MDGA2: variants seen among roughly 807,000 people sequenced by gnomAD.
The protein encoded by MDGA2 is MAM domain-containing glycosylphosphatidylinositol anchor protein 2.
Under a neutral mutation model 117.8 loss-of-function variants are expected in MDGA2, and 40 were observed. The observed-to-expected ratio is 0.34, with a 90% CI of 0.26 to 0.44. The LOEUF is 0.44. Ranked by LOEUF, MDGA2 falls within the 20% of genes least tolerant of loss-of-function variation. The pLI, the probability that MDGA2 is intolerant of heterozygous loss-of-function variation, is 1.00. For synonymous variants in MDGA2, 452 were observed against 439.0 expected, an observed-to-expected ratio of 1.03 and a Z score of -0.37; for missense variants, 1,123 against 1,250.6, an observed-to-expected ratio of 0.90 and a Z score of 1.54.
intron 1 of MDGA2, among the ~76,000 whole-genome samples, chr14:47,431,530 T>C (rs987585103): frequency 6.6e-6 from 1 of 151,992 alleles, no homozygotes; most frequent in Non-Finnish European, 1.5e-5. Context: ...ATTGTTATGA[T>C]GGAAAAAGCA....
chr14:47,288,370 A>T (rs1888761033), intron 2 of MDGA2, among the ~76,000 whole-genome samples: 1 of 152,170 alleles, frequency 6.6e-6, no homozygotes, highest in African/African-American at 2.4e-5. Flanking sequence ...CAAAATGGAG[A>T]GTTGTTCTGA....
rs1895797132 is a variant in MDGA2, at chr14:47,561,153, G to GGT, written c.280+113363_280+113364insAC. On this transcript the variant is annotated intron_variant, in intron 1 of 16. Transcript: ENST00000399232. ...TACCTCTATCTTTGTTTTTTTTTTT[G>GGT]TTTTGTTTTGTTTTTTTGTTTGTTT... Among the ~76,000 whole-genome samples the GGT allele has an allele frequency of 6.6e-3, 419 of 63,712 alleles. 32 individuals are homozygous for GGT. The highest frequency in any genetic ancestry group is 0.02 in the East Asian group (14 of 692). The allele number at this position is 63,712 out of a possible 152,430, so 41.8% of individuals were successfully genotyped here.
At chr14:47,617,744 A>G (rs1896973063) in intron 1 of MDGA2, among the ~76,000 whole-genome samples, 1 of 152,158 alleles carries the variant, frequency 6.6e-6, no homozygotes, top group African/African-American at 2.4e-5. Context: ...CATGCATATT[A>G]TTTATATATT....
At chr14:47,507,414 A>G (rs937809245) in intron 1 of MDGA2, among the ~76,000 whole-genome samples, 1 of 152,224 alleles carries the variant, frequency 6.6e-6, no homozygotes, top group Non-Finnish European at 1.5e-5. Context: ...ATCCATTTGC[A>G]TAAAAATAAA....
intron 14 of MDGA2, among the ~76,000 whole-genome samples, chr14:46,860,138 C>A (rs1881450697): frequency 6.6e-6 from 1 of 152,004 alleles, no homozygotes; most frequent in Non-Finnish European, 1.5e-5. Flanking sequence ...AAACTGCATT[C>A]TTTATATCAC....
At chr14:47,623,906 CAA>C (rs1210907736) in intron 1 of MDGA2, among the ~76,000 whole-genome samples, 1 of 152,152 alleles carries the variant, frequency 6.6e-6, no homozygotes, top group African/African-American at 2.4e-5. Context: ...TCACTTCAAA[CAA>C]ATTCTTTTGT....
At position 47,131,972 on chromosome 14, in the gene MDGA2, T is replaced by C. The variant is rs937310076; in HGVS notation, c.793-126A>G. 18 of 710,606 alleles carry C rather than the reference T, an allele frequency of 2.5e-5. No individual in the cohort carries two copies. In the African/African-American group the frequency reaches 2.7e-4, roughly 11 times the overall value. 44.0% of individuals were successfully genotyped at this position (710,606 alleles called of 1,614,324 possible). ...ATCAGAATATGACAGACTGTCTTTT[T>C]TTAAGGGAAATGTCCTATCTTTCAA... On this transcript the variant is annotated intron_variant, in intron 4 of 16. Coordinates refer to ENST00000399232, the MANE Select transcript of MDGA2 (RefSeq NM_001113498.3).
intron 1 of MDGA2, among the ~76,000 whole-genome samples, chr14:47,500,104 T>C (rs573011786): frequency 3.9e-5 from 6 of 152,308 alleles, no homozygotes; most frequent in Non-Finnish European, 5.9e-5. Context: ...AAAACATGTA[T>C]AATCCCCACA....
At chr14:47,614,914 T>A (rs542768336) in intron 1 of MDGA2, among the ~76,000 whole-genome samples, 1 of 152,208 alleles carries the variant, frequency 6.6e-6, no homozygotes, top group Non-Finnish European at 1.5e-5. Flanking sequence ...TATTAAGGAT[T>A]TGGCTCTGTA....
chr14:47,162,213 G>A (rs11850238), intron 3 of MDGA2, among the ~76,000 whole-genome samples: 12,465 of 151,748 alleles, frequency 0.082, 638 homozygotes, highest in Admixed American at 0.15. Flanking sequence ...CCAAAGTGCC[G>A]GGATTACAGG....
At position 46,957,358 on chromosome 14, in the gene MDGA2, A is replaced by T; in HGVS notation, c.2089+16T>A. ...ATAAAACAAAATGTATAAAAAGAAAATATCTGGAATCCTACCTGTAACAAG... is the reference window on the plus strand; with the variant it reads ...ATAAAACAAAATGTATAAAAAGAAATTATCTGGAATCCTACCTGTAACAAG... On this transcript the variant is annotated intron_variant, in intron 9 of 16. Transcript: ENST00000399232. 1 of 1,604,166 alleles carries T rather than the reference A, an allele frequency of 6.2e-7. No homozygotes were observed.
intron 2 of MDGA2, among the ~76,000 whole-genome samples, chr14:47,270,896 T>A (rs1281564510): frequency 6.6e-6 from 1 of 152,184 alleles, no homozygotes; most frequent in Non-Finnish European, 1.5e-5. Context: ...TTTACTCATG[T>A]GATTTCCTCT....
Position 47,488,194 on chromosome 14 carries a change from T to C in MDGA2, c.280+186323A>G, listed in dbSNP as rs146128879. On this transcript the variant is annotated intron_variant, in intron 1 of 16. Coordinates refer to ENST00000399232, the MANE Select transcript of MDGA2 (RefSeq NM_001113498.3). Reference sequence around the variant, plus strand: ...GTATTGTCAGATGTATGAGTCGACATATGAGATTTCAAACTAAGATGATGT... The same window carrying C: ...GTATTGTCAGATGTATGAGTCGACACATGAGATTTCAAACTAAGATGATGT... 4.3e-3 allele frequency among the ~76,000 whole-genome samples: 653 copies of C among 152,282 alleles called. 3 individuals are homozygous for C. The highest frequency in any genetic ancestry group is 6.0e-3 in the Non-Finnish European group (411 of 68,004).
chr14:47,118,622 T>C (rs17118081), intron 5 of MDGA2, among the ~76,000 whole-genome samples: 8,707 of 152,294 alleles, frequency 0.057, 798 homozygotes, highest in East Asian at 0.48. Flanking sequence ...GTTTTCAATA[T>C]AGAATTATTT....
At chr14:46,985,208 G>A (rs1471340733) in intron 8 of MDGA2, among the ~76,000 whole-genome samples, 1 of 151,912 alleles carries the variant, frequency 6.6e-6, no homozygotes, top group Non-Finnish European at 1.5e-5. Flanking sequence ...TTATCAATGA[G>A]TTCTTATAAA....
At position 47,169,938 on chromosome 14, in the gene MDGA2, C is replaced by T. The variant is rs898332523; in HGVS notation, c.596-25664G>A. Among the ~76,000 whole-genome samples, 15 of 152,220 alleles carry T rather than the reference C, an allele frequency of 9.9e-5. No individual in the cohort carries two copies. In the East Asian group the frequency reaches 2.1e-3, roughly 22 times the overall value. On this transcript the variant is annotated intron_variant, in intron 3 of 16. Transcript: ENST00000399232. ...AATTACCTATATTGTCAAAGACACA[C>T]TCTACTCTCCTTCCACATTCACAAC...
intron 3 of MDGA2, among the ~76,000 whole-genome samples, chr14:47,180,966 G>A (rs1884679054): frequency 6.6e-6 from 1 of 151,974 alleles, no homozygotes; most frequent in Non-Finnish European, 1.5e-5. Flanking sequence ...CAAAAACACA[G>A]ATGCTGGTGA....
At chr14:46,865,748 C>T (rs547808009) in intron 14 of MDGA2, among the ~76,000 whole-genome samples, 1 of 152,078 alleles carries the variant, frequency 6.6e-6, no homozygotes, top group African/African-American at 2.4e-5. Flanking sequence ...ACACCAATAA[C>T]AGATGAACAG....
Position 46,877,492 on chromosome 14 carries a change from A to G in MDGA2, c.2434T>C (p.Leu812=). The G allele has an allele frequency of 6.7e-7, 1 of 1,500,470 alleles. No individual in the cohort carries two copies. Among genetic ancestry groups the G allele is most frequent in the Non-Finnish European group, 9.1e-7 (1 of 1,096,126 alleles). 92.9% of individuals were successfully genotyped at this position (1,500,470 alleles called of 1,614,324 possible). The stretch of plus-strand genomic sequence containing the variant: ...TTGTAAGTTAAAATATACTTACTCA[A>G]ATGAGGATTTACAGGAGCTACAAGA... ...IKYSAPVNPH[L]REFHCGFEDG... The change falls in exon 12 of 17, where the codon TTG becomes CTG. Residue 812 remains leucine, a synonymous_variant. Coordinates refer to ENST00000399232, the MANE Select transcript of MDGA2 (RefSeq NM_001113498.3).
Sources: allele counts gnomAD v4.1 joint callset (sites outside exome capture counted in the v4.1 genomes callset), GRCh38; gene constraint gnomAD v4.1.1; transcripts MANE v1.5; gene names NCBI Gene and HGNC (gene_info 2026-07-23, HGNC 2026-07-21).